Variants in EXT2 observed in about 807,000 individuals in gnomAD.
The protein encoded by EXT2 is exostosin glycosyltransferase 2.
A neutral mutation model predicts 81.6 loss-of-function variants in EXT2; 53 were observed. That is an observed-to-expected ratio of 0.65 (90% CI 0.52 to 0.82). The LOEUF is 0.82. Ranked by LOEUF, EXT2 falls within the 40% of genes least tolerant of loss-of-function variation. EXT2 has a pLI of 0.00. For missense variants in EXT2, 774 were observed against 910.2 expected, an observed-to-expected ratio of 0.85 and a Z score of 1.93; for synonymous variants, 320 against 340.0, an observed-to-expected ratio of 0.94 and a Z score of 0.65.
Position 44,206,942 on chromosome 11 carries a change from C to T in EXT2, c.1645C>T (p.Leu549=), listed in dbSNP as rs142565472. Residue 549 remains leucine (L), a synonymous_variant, in exon 10 of 14, where the codon CTG becomes TTG. Transcript: ENST00000533608. ...TATCATTATGCTGACCTCTGACGAG[C>T]TGCAATTTGGTTATGAGGTAAGGAG... ...DDIIMLTSDE[L]QFGYEVWREF... 791 of 1,613,936 alleles carry T rather than the reference C, an allele frequency of 4.9e-4. No individual in the cohort carries two copies. Among genetic ancestry groups the T allele is most frequent in the Middle Eastern group, 8.2e-4 (5 of 6,082 alleles).
chr11:44,110,829 T>C (rs1466780206), intron 3 of EXT2, among the ~76,000 whole-genome samples: 1 of 152,230 alleles, frequency 6.6e-6, no homozygotes, highest in East Asian at 1.9e-4. Flanking sequence ...TTCCTATGCA[T>C]GTATTTTTGT....
rs372901342 is a variant in EXT2 at position 44,232,500 on chromosome 11, AG to A, written c.1806+9del. Reference sequence around the variant, plus strand: ...TGGGGCAGCTTTTTATCACAAGGTAAGGGGGCGCAGTCCTGGCAAGGTGACA... The same window carrying A: ...TGGGGCAGCTTTTTATCACAAGGTAAGGGGCGCAGTCCTGGCAAGGTGACA... On this transcript the variant is annotated splice_donor_5th_base_variant and intron_variant, in intron 11 of 13. Transcript: ENST00000533608. The A allele has an allele frequency of 5.1e-5, 83 of 1,613,850 alleles. 1 individual carries two copies. The African/African-American group carries it at 8.3e-4, about 16-fold the overall frequency.
intron 11 of EXT2, 96 bp from the exon 12 acceptor site, chr11:44,234,019 A>T (rs1354105921): frequency 6.4e-7 from 1 of 1,550,786 alleles, no homozygotes; most frequent in African/African-American, 1.4e-5. Context: ...TTATGAGAGA[A>T]AGCTTGTCCC....
intron 8 of EXT2, among the ~76,000 whole-genome samples, chr11:44,197,572 G>C (rs969776096): frequency 2.0e-5 from 3 of 152,144 alleles, no homozygotes; most frequent in African/African-American, 7.2e-5. Flanking sequence ...ATAAACGCAT[G>C]CTTTAATCTG....
chr11:44,175,487 C>T (rs1160525285), intron 8 of EXT2, among the ~76,000 whole-genome samples: 1 of 151,444 alleles, frequency 6.6e-6, no homozygotes, highest in Non-Finnish European at 1.5e-5. Flanking sequence ...ATCCTCTGTG[C>T]CTTTGTGGCT....
At chr11:44,159,096 C>T (rs1954894355) in intron 7 of EXT2, among the ~76,000 whole-genome samples, 1 of 147,778 alleles carries the variant, frequency 6.8e-6, no homozygotes, top group Admixed American at 6.7e-5. Context: ...CTTTTCTTAA[C>T]ATTTTTAGGG....
chr11:44,231,833 A>G (rs185636388), intron 10 of EXT2, among the ~76,000 whole-genome samples: 115 of 152,322 alleles, frequency 7.5e-4, no homozygotes, highest in African/African-American at 2.6e-3. Context: ...TCATTGTTTT[A>G]CAGATTACAG....
At chr11:44,171,003 C>T (rs1326222127) in intron 7 of EXT2, among the ~76,000 whole-genome samples, 1 of 152,102 alleles carries the variant, frequency 6.6e-6, no homozygotes, top group Non-Finnish European at 1.5e-5. Flanking sequence ...TTTATAAGGC[C>T]AGCATAACCT....
chr11:44,195,785 C>T (rs940980464), intron 8 of EXT2, among the ~76,000 whole-genome samples: 4 of 152,180 alleles, frequency 2.6e-5, no homozygotes, highest in African/African-American at 7.2e-5. Context: ...TCTCAGCCAC[C>T]TTCTGGCAAA....
intron 7 of EXT2, among the ~76,000 whole-genome samples, chr11:44,132,838 A>T (rs1283860298): frequency 6.6e-6 from 1 of 152,036 alleles, no homozygotes; most frequent in Non-Finnish European, 1.5e-5. Context: ...CACTGCGGCA[A>T]CTCACTAGTC....
intron 7 of EXT2, among the ~76,000 whole-genome samples, chr11:44,147,974 G>A (rs1954743727): frequency 6.6e-6 from 1 of 152,044 alleles, no homozygotes; most frequent in Non-Finnish European, 1.5e-5. Context: ...AAGGCACGTT[G>A]GAGTACTAAT....
chr11:44,138,398 G>C (rs1954600005), intron 7 of EXT2, among the ~76,000 whole-genome samples: 1 of 152,058 alleles, frequency 6.6e-6, no homozygotes, highest in Non-Finnish European at 1.5e-5. Context: ...AGAATGAATT[G>C]TTAGGCCTAG....
chr11:44,105,001 T>C (rs1020719852), intron 1 of EXT2, among the ~76,000 whole-genome samples: 35 of 152,244 alleles, frequency 2.3e-4, no homozygotes, highest in African/African-American at 8.2e-4. Flanking sequence ...TTCCTTGTTA[T>C]GTTCCAGTTT....
chr11:44,227,464 A>G (rs1427734513), intron 10 of EXT2, among the ~76,000 whole-genome samples: 1 of 152,212 alleles, frequency 6.6e-6, no homozygotes. Context: ...CCCTTATTTT[A>G]TAGATGGCAA....
chr11:44,206,814 G>A lies in EXT2; in HGVS notation c.1517G>A (p.Arg506Gln), dbSNP rs758812833. 10 of 1,613,934 alleles carry A rather than the reference G, an allele frequency of 6.2e-6. No homozygotes were observed. Among genetic ancestry groups the A allele is most frequent in the South Asian group, 3.3e-5 (3 of 91,078 alleles). ...PPEDSLWPKI[R>Q]VPLKVVRTAE... ...CCAGATTCTCTCTGGCCCAAAATCCGGGTTCCATTAAAAGTTGTGAGGACT... is the reference window on the plus strand; with the variant it reads ...CCAGATTCTCTCTGGCCCAAAATCCAGGTTCCATTAAAAGTTGTGAGGACT... Residue 506 changes from arginine to glutamine, a missense_variant, in exon 10 of 14, where the codon CGG becomes CAG. By Grantham distance (43) the Arg-to-Gln change is conservative. Around this residue, in one of 2 missense-constraint regions of EXT2, gnomAD observed 626 missense variants for 670.5 expected, o/e 0.93. Transcript: ENST00000533608.
intron 9 of EXT2, among the ~76,000 whole-genome samples, chr11:44,204,327 A>G (rs1001805438): frequency 6.6e-6 from 1 of 152,202 alleles, no homozygotes. Flanking sequence ...ATATATTTTC[A>G]TGTTTTAAAA....
At chr11:44,096,300 G>T (rs1001484410) in intron 1 of EXT2, 1 of 1,535,872 alleles carries the variant, frequency 6.5e-7, no homozygotes, top group Admixed American at 2.0e-5. Flanking sequence ...ATCCCTTGCG[G>T]TGCCAGAAGC....
intron 7 of EXT2, among the ~76,000 whole-genome samples, chr11:44,151,741 G>A (rs1039602878): frequency 1.3e-5 from 2 of 152,172 alleles, no homozygotes; most frequent in Admixed American, 6.5e-5. Context: ...AGGGAGCACA[G>A]TTGCTGGCTT....
intron 2 of EXT2, 23 bp from the exon 3 acceptor site, chr11:44,109,171 C>G (rs1954105510): frequency 6.2e-7 from 1 of 1,611,992 alleles, no homozygotes; most frequent in African/African-American, 1.3e-5. Context: ...ATTAATTCTC[C>G]TACATTTTAA....
Sources: allele counts gnomAD v4.1 joint callset (sites outside exome capture counted in the v4.1 genomes callset), GRCh38; gene constraint gnomAD v4.1.1; regional missense constraint gnomAD v4.1.1; transcripts MANE v1.5; gene names NCBI Gene and HGNC (gene_info 2026-07-23, HGNC 2026-07-21).